RGL3: variants seen among roughly 807,000 people sequenced by gnomAD.
RGL3 encodes ral guanine nucleotide dissociation stimulator like 3, also known as ral guanine nucleotide dissociation stimulator-like 3.
In RGL3, 85 loss-of-function variants were observed where a neutral mutation model predicts 90.6. The observed-to-expected ratio is 0.94, with a 90% confidence interval of 0.79 to 1.12. RGL3 has a LOEUF of 1.12. Ranked by LOEUF, RGL3 falls within the 50% of genes most tolerant of loss-of-function variation. RGL3 has a pLI of 0.00. For missense variants in RGL3, 1,034 were observed against 939.2 expected (o/e 1.10, Z -1.32); for synonymous variants, 408 against 385.5 (o/e 1.06, Z -0.68).
intron 18 of RGL3, 56 bp downstream of exon 18, chr19:11,397,188 A>G: frequency 1.4e-6 from 2 of 1,461,512 alleles, no homozygotes; most frequent in Non-Finnish European, 1.9e-6. Context: ...GGGCGTGGTC[A>G]GTCTGCTCGC....
Position 11,394,209 on chromosome 19 carries a change from G to T in RGL3, c.*193C>A. The T allele has an allele frequency of 1.7e-6, 1 of 582,972 alleles. No homozygotes were observed. Among genetic ancestry groups the T allele is most frequent in the Non-Finnish European group, 3.1e-6 (1 of 320,088 alleles). The allele number at this position is 582,972 out of a possible 1,614,324, so 36.1% of individuals were successfully genotyped here. On this transcript the variant is annotated 3_prime_UTR_variant, in exon 19 of 19. Coordinates refer to ENST00000380456, the MANE Select transcript of RGL3 (RefSeq NM_001035223.4). ...ATTGAGCTCTCCACCAGCCACCCATGGGCTGATGTCTTTGGAATATGGATC... is the reference window on the plus strand; with the variant it reads ...ATTGAGCTCTCCACCAGCCACCCATTGGCTGATGTCTTTGGAATATGGATC...
chr19:11,396,361 G>A (rs145369352), intron 18 of RGL3, among the ~76,000 whole-genome samples: 3,381 of 148,974 alleles, frequency 0.023, 143 homozygotes, highest in African/African-American at 0.078. Context: ...GTAGAGACGG[G>A]GCTTCACCAT....
chr19:11,397,211 C>T (rs375550962), intron 18 of RGL3, 33 bp downstream of exon 18: 126 of 1,590,562 alleles, frequency 7.9e-5, no homozygotes, highest in Non-Finnish European at 9.9e-5. Flanking sequence ...CCCCGCTGCC[C>T]CCTATCCTGA....
intron 13 of RGL3, among the ~76,000 whole-genome samples, chr19:11,400,562 A>C (rs1968657074): frequency 6.6e-6 from 1 of 151,996 alleles, no homozygotes. Context: ...GATTAAAGTC[A>C]GGGTCAGGAC....
In RGL3 at chr19:11,414,504, T is replaced by TATATATATATACACCTTC. The variant is rs1555720237; in HGVS notation, c.637+1432_637+1433insGAAGGTGTATATATATAT. Reference sequence around the variant, plus strand: ...ATATACACCTTCATATATATATATATATATATATATATATATATATATATA... The same window carrying TATATATATATACACCTTC: ...ATATACACCTTCATATATATATATATATATATATATACACCTTCATATATATATATATATATATATATA... On this transcript the variant is annotated intron_variant, in intron 5 of 18. Coordinates refer to ENST00000380456, the MANE Select transcript of RGL3 (RefSeq NM_001035223.4). Among the ~76,000 whole-genome samples the TATATATATATACACCTTC allele has an allele frequency of 1.6e-3, 155 of 96,698 alleles. 3 individuals are homozygous for TATATATATATACACCTTC. Among genetic ancestry groups the TATATATATATACACCTTC allele is most frequent in the Non-Finnish European group, 2.5e-3 (127 of 51,208 alleles). The allele number at this position is 96,698 out of a possible 152,430, so 63.4% of individuals were successfully genotyped here.
In RGL3 at chr19:11,406,798, C is replaced by T; in HGVS notation, c.704G>A (p.Gly235Glu). The change falls in exon 6 of 19, where the codon GGG (glycine) becomes GAG (glutamate). Residue 235 changes from glycine (G) to glutamate (E), a missense_variant. Transcript: ENST00000380456. ...SSEACAEEEE[G>E]LMPQGPQLLD... ...GAGCTGGGGACCTTGAGGCATGAGC[C>T]CTTCCTCTTCCTCCGCGCAGGCCTC... 6.2e-7 allele frequency: 1 copy of T among 1,613,864 alleles called. No individual in the cohort carries two copies. The highest frequency in any genetic ancestry group is 1.6e-4 in the Middle Eastern group (1 of 6,062).
chr19:11,396,156 ATATTTTTT>A (rs1968567337), intron 18 of RGL3, among the ~76,000 whole-genome samples: 15 of 51,348 alleles, frequency 2.9e-4, no homozygotes, highest in African/African-American at 1.4e-3. Context: ...ATATATATAT[ATATTTTTT>A]TTTTTTTTTT....
chr19:11,400,268 G>C lies in RGL3; in HGVS notation c.1514C>G (p.Pro505Arg). ...TGGGGAGCTGGGGCAGGAGGCAGCT[G>C]GTGGCTCAATGACCCGGGAGAGCCG... Reference protein sequence around the residue: ...SYRLSRVIEPPAASCPSSPRI... With the variant: ...SYRLSRVIEPRAASCPSSPRI... Residue 505 changes from proline to arginine, a missense_variant, in exon 14 of 19, where the codon CCA becomes CGA. Physicochemically the swap from Pro to Arg is moderately radical, Grantham distance 103 (BLOSUM62 -2). Transcript: ENST00000380456. 1.3e-6 allele frequency: 2 copies of C among 1,599,354 alleles called. No individual in the cohort carries two copies. Among genetic ancestry groups the C allele is most frequent in the Non-Finnish European group, 1.7e-6 (2 of 1,172,682 alleles).
chr19:11,405,546 T>G (rs1300001025), intron 7 of RGL3, 120 bp from the exon 8 acceptor site: 36 of 741,348 alleles, frequency 4.9e-5, no homozygotes, highest in South Asian at 1.4e-4. Flanking sequence ...TTTTGAGAGA[T>G]AGGGTCTGTG....
At position 11,406,623 on chromosome 19, in the gene RGL3, G is replaced by A. The variant is rs1309357887; in HGVS notation, c.792C>T (p.Ser264=). The change falls in exon 7 of 19, where the codon TCC becomes TCT. Residue 264 remains serine (S), a synonymous_variant. Coordinates refer to ENST00000380456, the MANE Select transcript of RGL3 (RefSeq NM_001035223.4). The part of the protein sequence containing the change: ...QLTLIDLELF[S]KVRLYECLGS... ...CCAAGCACTCGTAGAGCCTCACCTT[G>A]GAGAAGAGCTCCTGGGCCAGGGGAG... is the stretch of plus-strand genomic sequence containing the variant. 6.4e-7 allele frequency: 1 copy of A among 1,559,700 alleles called. No individual in the cohort carries two copies. Among genetic ancestry groups the A allele is most frequent in the Non-Finnish European group, 8.7e-7 (1 of 1,151,698 alleles).
At chr19:11,396,849 G>A (rs920962219) in intron 18 of RGL3, among the ~76,000 whole-genome samples, 6 of 150,982 alleles carry the variant, frequency 4.0e-5, no homozygotes, top group African/African-American at 1.2e-4. Context: ...TGTATGTTTC[G>A]TAGAGACGGG....
rs542313299 is a variant in RGL3, at chr19:11,402,279, C to T, written c.1330-32G>A. 2.5e-6 allele frequency: 4 copies of T among 1,610,840 alleles called. No homozygotes were observed. In the African/African-American group the frequency reaches 4.1e-5, roughly 17 times the overall value. On this transcript the variant is annotated intron_variant, in intron 11 of 18. Coordinates refer to ENST00000380456, the MANE Select transcript of RGL3 (RefSeq NM_001035223.4). ...GCAAAGTGTGTCTGAATTGCAGCACCCAGGGTCAAGGGTCAAGGGTCAAGG... is the reference window on the plus strand; with the variant it reads ...GCAAAGTGTGTCTGAATTGCAGCACTCAGGGTCAAGGGTCAAGGGTCAAGG...
At chr19:11,415,130 A>G (rs529685981) in intron 5 of RGL3, among the ~76,000 whole-genome samples, 17 of 146,368 alleles carry the variant, frequency 1.2e-4, no homozygotes, top group Admixed American at 3.4e-4. Context: ...ACTCTGTCTA[A>G]AAAAAAAAAT....
rs1968986134 is a variant in RGL3, at chr19:11,415,980, C to T, written c.594G>A (p.Glu198=). ...AEKLLEDFLE[E]AEREQEEEPP... The stretch of plus-strand genomic sequence containing the variant: ...GCTCCTCTTCCTGCTCTCGCTCAGC[C>T]TCCTCCAAAAAATCTTCCAGAAGCT... Residue 198 remains glutamate (E), a synonymous_variant, in exon 5 of 19, where the codon GAG becomes GAA. Coordinates refer to ENST00000380456, the MANE Select transcript of RGL3 (RefSeq NM_001035223.4). 2.5e-6 allele frequency: 4 copies of T among 1,613,782 alleles called. No individual in the cohort carries two copies. The African/African-American group carries it at 4.0e-5, about 16-fold the overall frequency.
Position 11,406,628 on chromosome 19 carries a change from A to G in RGL3, c.787T>C (p.Phe263Leu). Residue 263 changes from phenylalanine (F) to leucine (L), a missense_variant, in exon 7 of 19, where the codon TTC becomes CTC. Transcript: ENST00000380456. The part of the protein sequence containing the change: ...EQLTLIDLEL[F>L]SKVRLYECLG... ...CACTCGTAGAGCCTCACCTTGGAGA[A>G]GAGCTCCTGGGCCAGGGGAGGGGTG... 6.4e-7 allele frequency: 1 copy of G among 1,561,438 alleles called. No individual in the cohort carries two copies. The highest frequency in any genetic ancestry group is 1.9e-5 in the Admixed American group (1 of 51,748).
Position 11,416,841 on chromosome 19 carries a change from A to G in RGL3, c.366T>C (p.Pro122=). The change falls in exon 3 of 19, where the codon CCT becomes CCC. Residue 122 remains proline (P), a synonymous_variant. Coordinates refer to ENST00000380456, the MANE Select transcript of RGL3 (RefSeq NM_001035223.4). ...FLLPPMPPPP[P]PGVEIKKTAV... ...GGTTATGGTTCGCTACTGACCCGGG[A>G]GGTGGGGGCGGTGGCATTGGTGGCA... The G allele has an allele frequency of 6.2e-7, 1 of 1,613,132 alleles. No homozygotes were observed. Among genetic ancestry groups the G allele is most frequent in the Non-Finnish European group, 8.5e-7 (1 of 1,179,622 alleles).
intron 4 of RGL3, 70 bp from the exon 5 acceptor site, chr19:11,416,218 T>C (rs1968994732): frequency 1.2e-5 from 1 of 81,640 alleles, no homozygotes; most frequent in Non-Finnish European, 1.5e-5. Context: ...CCTGGTACCT[T>C]TTTTTTTTTT....
chr19:11,405,280 C>A, intron 8 of RGL3, 43 bp downstream of exon 8: 1 of 1,612,420 alleles, frequency 6.2e-7, no homozygotes, highest in South Asian at 1.1e-5. Context: ...TTGGGAGGGT[C>A]AGACCTGGGA....
Position 11,394,347 on chromosome 19 carries a change from A to G in RGL3, c.*55T>C. On this transcript the variant is annotated 3_prime_UTR_variant, in exon 19 of 19. Coordinates refer to ENST00000380456, the MANE Select transcript of RGL3 (RefSeq NM_001035223.4). ...CTGGGGGATGGCAGCTTTCCAGGAGAAGAGTCGCAAGCTTGCCTGTGGGAC... is the reference window on the plus strand; with the variant it reads ...CTGGGGGATGGCAGCTTTCCAGGAGGAGAGTCGCAAGCTTGCCTGTGGGAC... The G allele has an allele frequency of 2.2e-6, 3 of 1,374,826 alleles. No individual in the cohort carries two copies. The highest frequency in any genetic ancestry group is 3.1e-6 in the Non-Finnish European group (3 of 962,578). 85.2% of individuals were successfully genotyped at this position (1,374,826 alleles called of 1,614,324 possible).
Sources: allele counts gnomAD v4.1 joint callset (sites outside exome capture counted in the v4.1 genomes callset), GRCh38; gene constraint gnomAD v4.1.1; transcripts MANE v1.5; gene names NCBI Gene and HGNC (gene_info 2026-07-23, HGNC 2026-07-21).